Variants in LRMDA observed in about 807,000 individuals in gnomAD.
LRMDA encodes leucine rich melanocyte differentiation associated, also known as leucine-rich melanocyte differentiation-associated protein.
A neutral mutation model predicts 29.8 loss-of-function variants in LRMDA; 18 were observed. The observed-to-expected ratio is 0.60, with a 90% confidence interval of 0.42 to 0.90. LRMDA has a LOEUF of 0.90. Among genes scored for constraint, LRMDA ranks in the 40% least tolerant of loss-of-function variants. The pLI, the probability that LRMDA is intolerant of heterozygous loss-of-function variation, is 0.00. For synonymous variants in LRMDA, 125 were observed against 109.4 expected (o/e 1.14, Z -0.89); for missense variants, 273 against 273.9 (o/e 1.00, Z 0.02).
rs149648522 is a variant in LRMDA, at chr10:76,300,487, G to A, written c.517-23914G>A. On this transcript the variant is annotated intron_variant, in intron 5 of 6. Coordinates refer to ENST00000611255, the MANE Select transcript of LRMDA (RefSeq NM_001305581.2). ...TGCCTGGGGAAGGCCCTTTATTTCC[G>A]TCTCTGTGTTCTCATCTGTCTAATA... is the stretch of plus-strand genomic sequence containing the variant. Among the ~76,000 whole-genome samples the A allele has an allele frequency of 1.4e-3, 220 of 152,266 alleles. 1 individual carries two copies. Among genetic ancestry groups the A allele is most frequent in the African/African-American group, 4.9e-3 (203 of 41,564 alleles).
Position 76,381,956 on chromosome 10 carries a change from C to T in LRMDA, c.601+57471C>T, listed in dbSNP as rs1396274050. Reference sequence around the variant, plus strand: ...CAATTGGTTTTTATAAATGATGAGTCCTGCAACACATGACATGGAAGTAGG... The same window carrying T: ...CAATTGGTTTTTATAAATGATGAGTTCTGCAACACATGACATGGAAGTAGG... On this transcript the variant is annotated intron_variant, in intron 6 of 6. Transcript: ENST00000611255. Among the ~76,000 whole-genome samples, 5 of 152,184 alleles carry T rather than the reference C, an allele frequency of 3.3e-5. No individual in the cohort carries two copies. In the South Asian group the frequency reaches 6.2e-4, roughly 19 times the overall value.
At chr10:75,911,954 C>CT (rs1845849582) in intron 2 of LRMDA, among the ~76,000 whole-genome samples, 1 of 152,152 alleles carries the variant, frequency 6.6e-6, no homozygotes, top group Non-Finnish European at 1.5e-5. Context: ...GCAGCTTTGC[C>CT]TTAGAGTTTT....
chr10:75,524,603 T>C (rs1428554074), intron 2 of LRMDA, among the ~76,000 whole-genome samples: 2 of 152,162 alleles, frequency 1.3e-5, no homozygotes, highest in Non-Finnish European at 2.9e-5. Flanking sequence ...TTGGTATAGA[T>C]CACCCTAATG....
At chr10:76,239,663 C>T (rs1368729857) in intron 5 of LRMDA, among the ~76,000 whole-genome samples, 1 of 152,106 alleles carries the variant, frequency 6.6e-6, no homozygotes, top group Non-Finnish European at 1.5e-5. Context: ...CAATGACCCA[C>T]ATTCTGCTTT....
rs117480392 is a variant in LRMDA, at chr10:75,542,047, A to G, written c.131+103553A>G. On this transcript the variant is annotated intron_variant, in intron 2 of 6. Coordinates refer to ENST00000611255, the MANE Select transcript of LRMDA (RefSeq NM_001305581.2). ...CTCCTTTTACCTAGAAGGAAATCAA[A>G]CAATTATCCAGCGCTTGATGTCAAA... 6.4e-3 allele frequency among the ~76,000 whole-genome samples: 975 copies of G among 152,280 alleles called. 7 individuals are homozygous for G. Among genetic ancestry groups the G allele is most frequent in the Non-Finnish European group, 0.011 (748 of 68,008 alleles).
At chr10:76,197,031 T>G (rs1851342586) in intron 5 of LRMDA, among the ~76,000 whole-genome samples, 1 of 152,102 alleles carries the variant, frequency 6.6e-6, no homozygotes, top group Non-Finnish European at 1.5e-5. Context: ...CCATGTGGAG[T>G]TTGGTCTGAT....
At chr10:75,619,555 G>T (rs1425460889) in intron 2 of LRMDA, among the ~76,000 whole-genome samples, 1 of 152,148 alleles carries the variant, frequency 6.6e-6, no homozygotes, top group Non-Finnish European at 1.5e-5. Flanking sequence ...CTATTTTTGG[G>T]CTGAGACTGA....
chr10:76,098,397 A>C (rs1021269423), intron 5 of LRMDA, among the ~76,000 whole-genome samples: 1 of 152,174 alleles, frequency 6.6e-6, no homozygotes, highest in African/African-American at 2.4e-5. Context: ...CAGATTATCT[A>C]TTTCCTTTTA....
At chr10:75,565,768 T>C (rs1840364475) in intron 2 of LRMDA, among the ~76,000 whole-genome samples, 1 of 152,116 alleles carries the variant, frequency 6.6e-6, no homozygotes, top group African/African-American at 2.4e-5. Flanking sequence ...ATCATTGGGG[T>C]CATGTATGAT....
chr10:76,450,599 G>A (rs1366425245), intron 6 of LRMDA, among the ~76,000 whole-genome samples: 5 of 151,890 alleles, frequency 3.3e-5, no homozygotes, highest in Admixed American at 1.3e-4. Context: ...TGTCCTCCAC[G>A]TCTGTCATCT....
At position 75,916,087 on chromosome 10, in the gene LRMDA, C is replaced by T. The variant is rs200669391; in HGVS notation, c.132-119921C>T. Among the ~76,000 whole-genome samples, 14 of 152,204 alleles carry T rather than the reference C, an allele frequency of 9.2e-5. No individual in the cohort carries two copies. The East Asian group carries it at 2.5e-3, about 27-fold the overall frequency. ...TAGAGGTTGGAAGTACCTGATGATT[C>T]TCATAGTCCTGCTTTGTCACCATCT... On this transcript the variant is annotated intron_variant, in intron 2 of 6. Transcript: ENST00000611255.
intron 6 of LRMDA, among the ~76,000 whole-genome samples, chr10:76,433,536 G>A (rs961926862): frequency 2.6e-5 from 4 of 152,290 alleles, no homozygotes; most frequent in South Asian, 2.1e-4. Flanking sequence ...AGGCTTGTGC[G>A]ATTAGTATTG....
At chr10:75,691,545 C>T (rs1564541339) in intron 2 of LRMDA, among the ~76,000 whole-genome samples, 1 of 152,148 alleles carries the variant, frequency 6.6e-6, no homozygotes, top group Non-Finnish European at 1.5e-5. Flanking sequence ...GCATGTGGTT[C>T]TCATTCTCAC....
At chr10:75,779,332 G>A (rs910367871) in intron 2 of LRMDA, among the ~76,000 whole-genome samples, 1 of 151,940 alleles carries the variant, frequency 6.6e-6, no homozygotes, top group Non-Finnish European at 1.5e-5. Flanking sequence ...TTCTCCTCTG[G>A]GACCAGTAGA....
chr10:75,540,756 T>C (rs1457177226), intron 2 of LRMDA, among the ~76,000 whole-genome samples: 1 of 152,226 alleles, frequency 6.6e-6, no homozygotes, highest in Non-Finnish European at 1.5e-5. Flanking sequence ...TTCCCAACTG[T>C]AAGCAGCTAT....
chr10:75,678,441 C>T (rs1841986859), intron 2 of LRMDA, among the ~76,000 whole-genome samples: 2 of 152,184 alleles, frequency 1.3e-5, no homozygotes, highest in Admixed American at 6.5e-5. Context: ...GAATTAGTCA[C>T]TTTCTACTGA....
intron 6 of LRMDA, among the ~76,000 whole-genome samples, chr10:76,405,784 A>G (rs974647327): frequency 3.3e-5 from 5 of 152,104 alleles, no homozygotes; most frequent in Admixed American, 6.5e-5. Context: ...TTAAAGAATA[A>G]TTTATTCCTA....
chr10:76,035,537 T>A (rs1848226846), intron 2 of LRMDA, among the ~76,000 whole-genome samples: 1 of 152,210 alleles, frequency 6.6e-6, no homozygotes, highest in African/African-American at 2.4e-5. Context: ...GAAATGATAC[T>A]TGAAGTTATA....
intron 5 of LRMDA, among the ~76,000 whole-genome samples, chr10:76,197,264 T>G (rs917595445): frequency 2.0e-5 from 3 of 152,248 alleles, no homozygotes; most frequent in Non-Finnish European, 4.4e-5. Context: ...AGCATAGTAT[T>G]TCATGAAGGA....
Sources: allele counts gnomAD v4.1 joint callset (sites outside exome capture counted in the v4.1 genomes callset), GRCh38; gene constraint gnomAD v4.1.1; transcripts MANE v1.5; gene names NCBI Gene and HGNC (gene_info 2026-07-23, HGNC 2026-07-21).